C4orf51: variants seen among roughly 807,000 people sequenced by gnomAD.
C4orf51 encodes chromosome 4 open reading frame 51.
Under a neutral mutation model 25.2 loss-of-function variants are expected in C4orf51, and 25 were observed. The ratio of observed to expected loss-of-function variants is 0.99; its 90% CI spans 0.72 to 1.39. C4orf51 has a LOEUF of 1.39. Ranked by LOEUF, C4orf51 falls within the 40% of genes most tolerant of loss-of-function variation. The pLI is 0.00. For missense variants in C4orf51, 252 were observed against 239.6 expected (o/e 1.05, Z -0.34); for synonymous variants, 100 against 84.5 (o/e 1.18, Z -1.01).
chr4:145,739,595 A>G (rs936076071), intron 1 of C4orf51, among the ~76,000 whole-genome samples: 32 of 152,358 alleles, frequency 2.1e-4, no homozygotes, highest in African/African-American at 6.0e-4. Flanking sequence ...TGCATGTATT[A>G]TCTTTTAGAA....
At chr4:145,729,295 TG>T in intron 4 of C4orf51, 66 bp downstream of exon 4, 13 of 801,296 alleles carry the variant, frequency 1.6e-5, no homozygotes, top group Non-Finnish European at 2.3e-5. Context: ...CGTGGTCATG[TG>T]ATTTTTTTTT....
At chr4:145,740,552 C>G (rs940032281) in intron 1 of C4orf51, among the ~76,000 whole-genome samples, 1 of 152,142 alleles carries the variant, frequency 6.6e-6, no homozygotes, top group East Asian at 1.9e-4. Context: ...GAATAATAAC[C>G]ACCCCTTGTT....
At chr4:145,777,399 T>A in the C4orf51 span, among the ~76,000 whole-genome samples, 2 of 152,224 alleles carry the variant, frequency 1.3e-5, no homozygotes, top group Admixed American at 1.3e-4. Context: ...TAGAAAGAAC[T>A]CACCAGCGAA....
chr4:145,774,678 T>A, downstream of C4orf51: 1 of 1,612,322 alleles, frequency 6.2e-7, no homozygotes. Flanking sequence ...GACAACTACA[T>A]GAAAGGGTAA....
chr4:145,719,588 C>CAAA (rs57272346), intron 2 of C4orf51, among the ~76,000 whole-genome samples: 3,261 of 89,872 alleles, frequency 0.036, 199 homozygotes, highest in African/African-American at 0.11. Flanking sequence ...GACTCTGTCT[C>CAAA]AAAAAAAAAA....
chr4:145,730,837 T>C (rs1732417208), intron 5 of C4orf51, among the ~76,000 whole-genome samples: 1 of 152,220 alleles, frequency 6.6e-6, no homozygotes, highest in Non-Finnish European at 1.5e-5. Flanking sequence ...CTAGCAGATA[T>C]GATACATTTC....
chr4:145,697,845 G>A (rs1029817985), intron 2 of C4orf51, among the ~76,000 whole-genome samples: 4 of 152,132 alleles, frequency 2.6e-5, no homozygotes, highest in East Asian at 1.9e-4. Flanking sequence ...CTTCGAGGTC[G>A]TGATTTTATT....
At chr4:145,690,923 G>T (rs1729515283) in intron 1 of C4orf51, among the ~76,000 whole-genome samples, 1 of 151,932 alleles carries the variant, frequency 6.6e-6, no homozygotes, top group Non-Finnish European at 1.5e-5. Flanking sequence ...GGAACATAGG[G>T]AAACCCCATC....
intron 1 of C4orf51, among the ~76,000 whole-genome samples, chr4:145,742,436 A>G (rs542721986): frequency 9.2e-5 from 14 of 152,052 alleles, no homozygotes; most frequent in Non-Finnish European, 1.9e-4. Flanking sequence ...ACTGTCTTCA[A>G]ATGTCATCTT....
At chr4:145,767,392 C>T (rs990367781) in intron 1 of C4orf51, among the ~76,000 whole-genome samples, 2 of 151,994 alleles carry the variant, frequency 1.3e-5, no homozygotes, top group South Asian at 2.1e-4. Context: ...CTGTGGGATG[C>T]CTTTGGGAAG....
At chr4:145,731,677 G>C (rs1320222707) in intron 5 of C4orf51, among the ~76,000 whole-genome samples, 2 of 139,184 alleles carry the variant, frequency 1.4e-5, no homozygotes, top group African/African-American at 2.7e-5. Flanking sequence ...CACCTCCTGG[G>C]TTCAAGCAAT....
At chr4:145,684,475 C>T (rs189078923) in intron 1 of C4orf51, among the ~76,000 whole-genome samples, 21 of 152,120 alleles carry the variant, frequency 1.4e-4, no homozygotes, top group African/African-American at 4.8e-4. Flanking sequence ...GAGCGAGACT[C>T]TGTCTCAAAC....
chr4:145,745,279 G>A (rs2126800714), intron 1 of C4orf51, among the ~76,000 whole-genome samples: 1 of 150,402 alleles, frequency 6.6e-6, no homozygotes, highest in South Asian at 2.1e-4. Context: ...TCGACTATAA[G>A]ACACACTGTT....
intron 2 of C4orf51, among the ~76,000 whole-genome samples, chr4:145,711,561 T>C (rs1227277590): frequency 6.6e-6 from 1 of 152,226 alleles, no homozygotes; most frequent in Admixed American, 6.5e-5. Context: ...TTAGTTATCT[T>C]GATAGTGTTC....
At position 145,762,298 on chromosome 4, in the gene C4orf51, G is replaced by A. The variant is rs982214746; in HGVS notation, n.167-8690G>A. Among the ~76,000 whole-genome samples, 6 of 152,160 alleles carry A rather than the reference G, an allele frequency of 3.9e-5. No homozygotes were observed. Among genetic ancestry groups the A allele is most frequent in the Non-Finnish European group, 8.8e-5 (6 of 68,030 alleles). ...CTATGGCAGGGGCATGGGAGGAGAA[G>A]GAAGCCCACCCAACGGCCCATCTGC... On this transcript the variant is annotated intron_variant and non_coding_transcript_variant, in intron 1 of 1. Coordinates refer to the C4orf51 transcript ENST00000510096. The surrounding 1 kb of genome is among the most constrained non-coding windows in gnomAD (Gnocchi z 4.9).
downstream of C4orf51, chr4:145,774,489 C>G: frequency 6.2e-7 from 1 of 1,604,238 alleles, no homozygotes; most frequent in Non-Finnish European, 8.5e-7. Context: ...GTGAGAAGGA[C>G]AGACAGGAAT....
intron 2 of C4orf51, among the ~76,000 whole-genome samples, chr4:145,718,762 C>T (rs2126742570): frequency 6.6e-6 from 1 of 152,354 alleles, no homozygotes; most frequent in African/African-American, 2.4e-5. Context: ...CACCTTTGCT[C>T]ATCCTGTTCC....
the C4orf51 span, among the ~76,000 whole-genome samples, chr4:145,779,717 CCT>C: frequency 3.3e-5 from 5 of 152,328 alleles, no homozygotes; most frequent in East Asian, 7.7e-4. Flanking sequence ...GATTCCGACC[CCT>C]GTCAATTCTT....
chr4:145,712,829 C>T (rs1731206038), intron 2 of C4orf51, among the ~76,000 whole-genome samples: 1 of 152,220 alleles, frequency 6.6e-6, no homozygotes, highest in African/African-American at 2.4e-5. Flanking sequence ...GAAATCAAAG[C>T]TTGGCTTCAA....
Sources: gnomAD v4.1 joint callset for allele counts (sites outside exome capture counted in the v4.1 genomes callset) on GRCh38, gnomAD v4.1.1 for gene constraint, Gnocchi (gnomAD v3.1) non-coding constraint, MANE v1.5 for transcripts, NCBI Gene and HGNC (gene_info 2026-07-23, HGNC 2026-07-21) for gene names.